Variants in NIBAN1 observed in about 807,000 individuals in gnomAD.
NIBAN1 encodes the protein niban apoptosis regulator 1.
A neutral mutation model predicts 75.1 loss-of-function variants in NIBAN1; 81 were observed. The ratio of observed to expected loss-of-function variants is 1.08; its 90% CI spans 0.90 to 1.30. NIBAN1 has a LOEUF of 1.30. NIBAN1 is among the 50% of genes most tolerant of loss of function. The pLI, the probability that NIBAN1 is intolerant of heterozygous loss-of-function variation, is 0.00. For missense variants in NIBAN1, 1,133 were observed against 1,128.1 expected, an observed-to-expected ratio of 1.00 and a Z score of -0.06; for synonymous variants, 436 against 424.8, an observed-to-expected ratio of 1.03 and a Z score of -0.32.
intron 9 of NIBAN1, among the ~76,000 whole-genome samples, chr1:184,815,890 A>G (rs1400210365): frequency 1.3e-5 from 2 of 152,220 alleles, no homozygotes; most frequent in African/African-American, 4.8e-5. Context: ...CAATAATTAG[A>G]AATGTCTCCC....
chr1:184,908,023 C>T (rs1019566721), intron 1 of NIBAN1, among the ~76,000 whole-genome samples: 3 of 152,202 alleles, frequency 2.0e-5, no homozygotes, highest in African/African-American at 4.8e-5. Context: ...CCAGGACCCT[C>T]GTAGGGCTCA....
Position 184,799,735 on chromosome 1 carries a change from CTTTTTTTTTTTTTTTT to C in NIBAN1, c.1555-1561_1555-1546del, listed in dbSNP as rs780273995. On this transcript the variant is annotated intron_variant, in intron 12 of 13. Coordinates refer to ENST00000367511, the MANE Select transcript of NIBAN1 (RefSeq NM_052966.4). ...TCCTGACTTTTTAATGATTGCCATT[CTTTTTTTTTTTTTTTT>C]TTTTTTTTTTTTGAGACGGAGTCTC... 8.0e-5 allele frequency among the ~76,000 whole-genome samples: 4 copies of C among 49,782 alleles called. 2 individuals carry two copies. Among genetic ancestry groups the C allele is most frequent in the Non-Finnish European group, 1.5e-4 (4 of 27,368 alleles). The allele number at this position is 49,782 out of a possible 152,430, so 32.7% of individuals were successfully genotyped here.
At chr1:184,866,248 GATGAA>G (rs1383837480) in intron 5 of NIBAN1, among the ~76,000 whole-genome samples, 2 of 152,180 alleles carry the variant, frequency 1.3e-5, no homozygotes, top group Non-Finnish European at 2.9e-5. Flanking sequence ...AGGAAGGACA[GATGAA>G]TGGACAGATA....
At chr1:184,845,010 T>C (rs954611362) in intron 5 of NIBAN1, among the ~76,000 whole-genome samples, 2 of 152,240 alleles carry the variant, frequency 1.3e-5, no homozygotes, top group African/African-American at 4.8e-5. Flanking sequence ...AATGTCTACA[T>C]TCCTGACCTA....
At chr1:184,906,943 A>C (rs186788439) in intron 1 of NIBAN1, among the ~76,000 whole-genome samples, 60 of 152,294 alleles carry the variant, frequency 3.9e-4, no homozygotes, top group African/African-American at 1.4e-3. Context: ...TCTTTCTTGG[A>C]AGATACTATT....
chr1:184,968,868 T>C (rs769870416), intron 1 of NIBAN1, among the ~76,000 whole-genome samples: 1 of 152,196 alleles, frequency 6.6e-6, no homozygotes, highest in African/African-American at 2.4e-5. Flanking sequence ...TTCTTCTCTA[T>C]GAAACCACAG....
At chr1:184,876,744 C>T (rs151025935) in intron 5 of NIBAN1, among the ~76,000 whole-genome samples, 2 of 151,828 alleles carry the variant, frequency 1.3e-5, no homozygotes, top group African/African-American at 4.8e-5. Flanking sequence ...TAAAATTTAA[C>T]TTAGTAGTTT....
chr1:184,830,058 C>A (rs1557880304), intron 6 of NIBAN1, among the ~76,000 whole-genome samples: 1 of 152,170 alleles, frequency 6.6e-6, no homozygotes, highest in East Asian at 1.9e-4. Context: ...GCACATTGCC[C>A]GGCATAGAGT....
intron 1 of NIBAN1, among the ~76,000 whole-genome samples, chr1:184,949,193 A>T (rs1212604979): frequency 6.6e-6 from 1 of 151,910 alleles, no homozygotes; most frequent in Non-Finnish European, 1.5e-5. Flanking sequence ...CTCTACTAAG[A>T]AAAAAATACA....
chr1:184,891,268 T>C (rs1000855909), intron 3 of NIBAN1, among the ~76,000 whole-genome samples: 4 of 152,122 alleles, frequency 2.6e-5, no homozygotes, highest in African/African-American at 4.8e-5. Flanking sequence ...AGAAAGACGA[T>C]TGGAGGACTC....
chr1:184,844,373 T>C (rs890436443), intron 5 of NIBAN1, among the ~76,000 whole-genome samples: 2 of 152,240 alleles, frequency 1.3e-5, no homozygotes. Flanking sequence ...TGTCTGATGA[T>C]GCTATCTGGG....
chr1:184,947,885 T>C (rs542869505), intron 1 of NIBAN1, among the ~76,000 whole-genome samples: 1 of 152,316 alleles, frequency 6.6e-6, no homozygotes, highest in South Asian at 2.1e-4. Flanking sequence ...CTTACCCCCT[T>C]GGTAAGGGCA....
intron 3 of NIBAN1, among the ~76,000 whole-genome samples, chr1:184,891,791 T>C (rs630261): frequency 0.36 from 54,513 of 152,056 alleles, 10,788 homozygotes; most frequent in South Asian, 0.5. Flanking sequence ...AGGTACTTAA[T>C]GCATAATTCT....
chr1:184,826,260 T>C (rs1355970524), intron 6 of NIBAN1, among the ~76,000 whole-genome samples: 1 of 152,190 alleles, frequency 6.6e-6, no homozygotes, highest in African/African-American at 2.4e-5. Flanking sequence ...GGTAATTCAC[T>C]GGTGGGGATG....
intron 5 of NIBAN1, 146 bp from the exon 6 acceptor site, chr1:184,832,108 C>T (rs1292172624): frequency 7.8e-6 from 5 of 638,946 alleles, no homozygotes; most frequent in Non-Finnish European, 1.4e-5. Context: ...TAAGCAAGTA[C>T]TGAATTCAAA....
At chr1:184,835,855 C>T (rs1487150715) in intron 5 of NIBAN1, among the ~76,000 whole-genome samples, 1 of 152,164 alleles carries the variant, frequency 6.6e-6, no homozygotes, top group African/African-American at 2.4e-5. Flanking sequence ...TGCCTGACTG[C>T]CCTGGGCAGA....
chr1:184,959,072 G>A (rs897730584), intron 1 of NIBAN1, among the ~76,000 whole-genome samples: 1 of 152,172 alleles, frequency 6.6e-6, no homozygotes, highest in African/African-American at 2.4e-5. Context: ...TTCTGTGTGC[G>A]AACCAGAATT....
chr1:184,914,193 T>C (rs1657322008), intron 1 of NIBAN1, among the ~76,000 whole-genome samples: 1 of 152,204 alleles, frequency 6.6e-6, no homozygotes, highest in South Asian at 2.1e-4. Flanking sequence ...CCTCATTAAG[T>C]TGGTTCCACT....
chr1:184,872,712 T>C (rs953070291), intron 5 of NIBAN1, among the ~76,000 whole-genome samples: 7 of 139,726 alleles, frequency 5.0e-5, no homozygotes, highest in African/African-American at 1.9e-4. Context: ...TGTATCAAAT[T>C]AAAAAAAAAA....
Sources: gnomAD v4.1 joint callset for allele counts (sites outside exome capture counted in the v4.1 genomes callset) on GRCh38, gnomAD v4.1.1 for gene constraint, MANE v1.5 for transcripts, NCBI Gene and HGNC (gene_info 2026-07-23, HGNC 2026-07-21) for gene names.